TTC39B: variants seen among roughly 807,000 people sequenced by gnomAD.
The protein encoded by TTC39B is tetratricopeptide repeat domain 39B, also known as tetratricopeptide repeat protein 39B.
A neutral mutation model predicts 96.6 loss-of-function variants in TTC39B; 92 were observed. The ratio of observed to expected loss-of-function variants is 0.95; its 90% CI spans 0.80 to 1.13. The LOEUF is 1.13. Among genes scored for constraint, TTC39B ranks in the 50% most tolerant of loss-of-function variants. TTC39B has a pLI of 0.00. For missense variants in TTC39B, 955 were observed against 809.3 expected (o/e 1.18, Z -2.18); for synonymous variants, 367 against 299.4 (o/e 1.23, Z -2.33).
At chr9:15,301,369 A>G (rs902570527) in intron 1 of TTC39B, among the ~76,000 whole-genome samples, 4 of 152,238 alleles carry the variant, frequency 2.6e-5, no homozygotes, top group African/African-American at 9.6e-5. Flanking sequence ...TGTGCTCCTC[A>G]AGGGTAATAA....
intron 3 of TTC39B, among the ~76,000 whole-genome samples, chr9:15,216,137 G>GT (rs376927973): frequency 6.6e-6 from 1 of 152,184 alleles, no homozygotes; most frequent in African/African-American, 2.4e-5. Flanking sequence ...CTGTCTCAGG[G>GT]TTTTTTCTCC....
chr9:15,230,245 AAT>A (rs1821348457), intron 2 of TTC39B, among the ~76,000 whole-genome samples: 1 of 152,202 alleles, frequency 6.6e-6, no homozygotes, highest in African/African-American at 2.4e-5. Context: ...ATTCAGACCT[AAT>A]TCACAGACCA....
intron 2 of TTC39B, among the ~76,000 whole-genome samples, chr9:15,243,914 T>C (rs575900241): frequency 6.6e-6 from 1 of 152,266 alleles, no homozygotes; most frequent in East Asian, 1.9e-4. Context: ...TTTCTTTTCA[T>C]TTAAAAAAAA....
At chr9:15,201,615 T>C (rs1007502950) in intron 7 of TTC39B, among the ~76,000 whole-genome samples, 1 of 152,132 alleles carries the variant, frequency 6.6e-6, no homozygotes, top group African/African-American at 2.4e-5. Flanking sequence ...CATGATGGGT[T>C]TGGCCATGTG....
Position 15,181,699 on chromosome 9 carries a change from C to T in TTC39B, c.1723+608G>A, listed in dbSNP as rs1242218815. On this transcript the variant is annotated intron_variant, in intron 17 of 19. Transcript: ENST00000512701. ...CTGCAGAAACACACTAATGGTTAGA[C>T]AGCAATAAGGAGGCATAGAAAGAGT... is the stretch of plus-strand genomic sequence containing the variant. 2.0e-5 allele frequency among the ~76,000 whole-genome samples: 3 copies of T among 152,196 alleles called. No individual in the cohort carries two copies. In the South Asian group the frequency reaches 6.2e-4, roughly 31 times the overall value.
At chr9:15,190,464 G>T (rs1173561477) in intron 11 of TTC39B, 90 bp downstream of exon 11, 19 of 1,146,372 alleles carry the variant, frequency 1.7e-5, no homozygotes, top group Non-Finnish European at 2.3e-5. Flanking sequence ...TCCCACCTCA[G>T]CCTCCCAAGT....
chr9:15,226,293 A>G (rs1821121307), intron 2 of TTC39B, among the ~76,000 whole-genome samples: 1 of 152,244 alleles, frequency 6.6e-6, no homozygotes, highest in Admixed American at 6.5e-5. Flanking sequence ...TGTATCTTGT[A>G]TATATCCGTC....
At chr9:15,212,235 A>T (rs1384040635) in intron 4 of TTC39B, among the ~76,000 whole-genome samples, 1 of 152,218 alleles carries the variant, frequency 6.6e-6, no homozygotes, top group African/African-American at 2.4e-5. Context: ...AAATAGTCTA[A>T]ACATCCTTTG....
intron 3 of TTC39B, among the ~76,000 whole-genome samples, chr9:15,217,555 G>A (rs563712701): frequency 7.9e-5 from 12 of 152,174 alleles, no homozygotes; most frequent in South Asian, 2.1e-4. Context: ...ATGACCAGGA[G>A]AGCAACTTTC....
chr9:15,300,886 C>T (rs1459712955), intron 1 of TTC39B, among the ~76,000 whole-genome samples: 5 of 84,530 alleles, frequency 5.9e-5, no homozygotes, highest in East Asian at 4.1e-4. Context: ...AGTAAAACTC[C>T]GTCTCAAAAA....
intron 10 of TTC39B, among the ~76,000 whole-genome samples, 154 bp from the exon 11 acceptor site, chr9:15,190,816 G>GC (rs1818817219): frequency 6.6e-6 from 1 of 152,056 alleles, no homozygotes; most frequent in Non-Finnish European, 1.5e-5. Context: ...CCCTATCACC[G>GC]CAAGAGTGAA....
intron 6 of TTC39B, among the ~76,000 whole-genome samples, chr9:15,208,692 C>T (rs941043270): frequency 1.3e-5 from 2 of 152,140 alleles, no homozygotes; most frequent in African/African-American, 2.4e-5. Context: ...TGATGGGTTT[C>T]AGCTGCCTAG....
At chr9:15,241,538 TTTATAATTTATA>T (rs1459540751) in intron 2 of TTC39B, among the ~76,000 whole-genome samples, 1 of 152,134 alleles carries the variant, frequency 6.6e-6, no homozygotes, top group Non-Finnish European at 1.5e-5. Flanking sequence ...AATTCCTGAA[TTTATAATTTATA>T]AAATCTAACT....
exon 20 of TTC39B, chr9:15,170,422 T>C (rs761326206): frequency 9.2e-5 from 14 of 152,234 alleles, no homozygotes; most frequent in Non-Finnish European, 1.8e-4. Context: ...CCAATACTTT[T>C]GTGTTGATAC....
intron 1 of TTC39B, among the ~76,000 whole-genome samples, chr9:15,289,661 G>T (rs542744187): frequency 6.6e-6 from 1 of 152,280 alleles, no homozygotes; most frequent in Non-Finnish European, 1.5e-5. Context: ...CAGGTATGCC[G>T]GGAAAGAGGC....
At chr9:15,223,727 A>G (rs1820972157) in intron 3 of TTC39B, among the ~76,000 whole-genome samples, 1 of 152,214 alleles carries the variant, frequency 6.6e-6, no homozygotes, top group Admixed American at 6.5e-5. Context: ...GTTTTTAAAA[A>G]GAAAAAGACT....
At chr9:15,284,227 T>C (rs1037288444) in intron 1 of TTC39B, among the ~76,000 whole-genome samples, 3 of 152,240 alleles carry the variant, frequency 2.0e-5, no homozygotes, top group African/African-American at 7.2e-5. Context: ...TCCCTGTGAT[T>C]GGCAAAAATT....
intron 2 of TTC39B, among the ~76,000 whole-genome samples, chr9:15,248,678 G>C (rs1259042667): frequency 6.6e-6 from 1 of 152,212 alleles, no homozygotes; most frequent in African/African-American, 2.4e-5. Context: ...AAGTAAGGCA[G>C]AATTTCCTAA....
At chr9:15,185,643 C>G in intron 15 of TTC39B, 2 of 430,118 alleles carry the variant, frequency 4.6e-6, no homozygotes, top group South Asian at 3.2e-5. Flanking sequence ...CTGAGGCACA[C>G]TCAAGATTGA....
Sources: gnomAD v4.1 joint callset for allele counts (sites outside exome capture counted in the v4.1 genomes callset) on GRCh38, gnomAD v4.1.1 for gene constraint, MANE v1.5 for transcripts, NCBI Gene and HGNC (gene_info 2026-07-23, HGNC 2026-07-21) for gene names.